CCDC141: variants seen among roughly 807,000 people sequenced by gnomAD.
CCDC141 encodes the protein coiled-coil domain-containing protein 141.
A neutral mutation model predicts 181.0 loss-of-function variants in CCDC141; 168 were observed. The observed-to-expected ratio is 0.93, with a 90% CI of 0.82 to 1.05. The LOEUF (loss-of-function observed/expected upper bound fraction) is 1.05. Ranked by LOEUF, CCDC141 falls within the 50% of genes least tolerant of loss-of-function variation. The pLI is 0.00. For missense variants in CCDC141, 1,902 were observed against 1,788.5 expected (o/e 1.06, Z -1.14); for synonymous variants, 666 against 642.3 (o/e 1.04, Z -0.56).
chr2:178,905,255 G>A (rs1168289211), intron 8 of CCDC141, 74 bp downstream of exon 8: 3 of 1,283,664 alleles, frequency 2.3e-6, no homozygotes, highest in Non-Finnish European at 3.2e-6. Flanking sequence ...AGACAATCAT[G>A]CATCTTATTT....
intron 2 of CCDC141, among the ~76,000 whole-genome samples, chr2:179,015,880 A>C (rs946814675): frequency 2.2e-5 from 3 of 134,608 alleles, no homozygotes; most frequent in African/African-American, 9.4e-5. Context: ...TCTCATATGT[A>C]TCATATATAT....
At chr2:178,935,337 A>T (rs914911161) in intron 6 of CCDC141, among the ~76,000 whole-genome samples, 2 of 152,136 alleles carry the variant, frequency 1.3e-5, no homozygotes, top group Non-Finnish European at 2.9e-5. Context: ...ATAAGTGCTC[A>T]TGATTTGACT....
At chr2:178,915,098 C>T (rs78936042) in intron 7 of CCDC141, among the ~76,000 whole-genome samples, 3 of 151,824 alleles carry the variant, frequency 2.0e-5, no homozygotes, top group Middle Eastern at 3.4e-3. Flanking sequence ...ACCTGAGCCC[C>T]GGAGGTCAGG....
chr2:179,002,282 G>A (rs2042006333), intron 2 of CCDC141: 1 of 262,460 alleles, frequency 3.8e-6, no homozygotes, highest in South Asian at 4.3e-5. Flanking sequence ...ACCTGCTACT[G>A]AGTACAGGGC....
rs56092711 is a variant in CCDC141 at position 178,962,651 on chromosome 2, C to CCTTCTTTT, written c.527-1169_527-1168insAAAAGAAG. The stretch of plus-strand genomic sequence containing the variant: ...CCTTCTTTCTTTCCTTTCCTTCTTT[C>CCTTCTTTT]TTTCTTTCCTCTGTCTCTCTCACAC... On this transcript the variant is annotated intron_variant, in intron 4 of 23. Coordinates refer to ENST00000443758, the MANE Select transcript of CCDC141 (RefSeq NM_173648.4). Among the ~76,000 whole-genome samples, 281 of 149,182 alleles carry CCTTCTTTT rather than the reference C, an allele frequency of 1.9e-3. 2 individuals are homozygous for CCTTCTTTT. Among genetic ancestry groups the CCTTCTTTT allele is most frequent in the African/African-American group, 6.7e-3 (272 of 40,526 alleles).
chr2:178,889,936 T>C (rs1048807421), intron 8 of CCDC141, among the ~76,000 whole-genome samples: 41 of 152,332 alleles, frequency 2.7e-4, no homozygotes, highest in African/African-American at 9.9e-4. Flanking sequence ...CTAAATTCCA[T>C]AATTCTACAA....
rs1687917789 is a variant in CCDC141 at position 178,905,404 on chromosome 2, T to A, written c.1190A>T (p.His397Leu). The A allele has an allele frequency of 6.4e-7, 1 of 1,550,906 alleles. No homozygotes were observed. Among genetic ancestry groups the A allele is most frequent in the Non-Finnish European group, 8.7e-7 (1 of 1,147,008 alleles). ...AVLAVRHEEL[H>L]RKIKDCTTDA... ...AGTTGTGCAGTCTTTAATTTTTCTG[T>A]GTAATTCCTCATGCCTCACTGCCAA... Residue 397 changes from histidine to leucine, a missense_variant, in exon 8 of 24, where the codon CAC (histidine) becomes CTC (leucine). By Grantham distance (99) the His-to-Leu change is moderately conservative. Coordinates refer to ENST00000443758, the MANE Select transcript of CCDC141 (RefSeq NM_173648.4).
At chr2:178,843,742 C>T (rs1313971752) in intron 22 of CCDC141, among the ~76,000 whole-genome samples, 1 of 152,188 alleles carries the variant, frequency 6.6e-6, no homozygotes, top group Non-Finnish European at 1.5e-5. Context: ...AAGCTTTTCA[C>T]TTGGTGCTTC....
chr2:178,987,989 A>G (rs1473694482), intron 2 of CCDC141, among the ~76,000 whole-genome samples: 1 of 151,648 alleles, frequency 6.6e-6, no homozygotes, highest in Non-Finnish European at 1.5e-5. Flanking sequence ...AAAGGACTAT[A>G]AATCATGCTG....
intron 9 of CCDC141, among the ~76,000 whole-genome samples, chr2:178,887,597 T>G (rs903138259): frequency 1.1e-4 from 16 of 152,152 alleles, no homozygotes; most frequent in Non-Finnish European, 1.3e-4. Context: ...GGTCTCAAGC[T>G]CCAGGCAATG....
At chr2:178,981,663 C>CATAT (rs1178860259) in intron 2 of CCDC141, among the ~76,000 whole-genome samples, 2 of 35,396 alleles carry the variant, frequency 5.7e-5, no homozygotes, top group African/African-American at 1.9e-4. Context: ...TATATACATA[C>CATAT]ATATATACAT....
chr2:178,841,053 T>TC (rs1181203003), intron 22 of CCDC141, among the ~76,000 whole-genome samples: 1 of 152,208 alleles, frequency 6.6e-6, no homozygotes, highest in Non-Finnish European at 1.5e-5. Context: ...TTGTATTAGT[T>TC]CATTTTTTAA....
chr2:178,828,729 A>G (rs1214025637), downstream of CCDC141, among the ~76,000 whole-genome samples: 2 of 152,192 alleles, frequency 1.3e-5, no homozygotes, highest in African/African-American at 4.8e-5. Context: ...GTGGGTGTGC[A>G]TAATACTTAT....
chr2:178,998,358 T>C lies in CCDC141; in HGVS notation c.226-19683A>G, dbSNP rs571294123. Among the ~76,000 whole-genome samples, 22 of 152,334 alleles carry C rather than the reference T, an allele frequency of 1.4e-4. 2 individuals carry two copies. In the East Asian group the frequency reaches 4.0e-3, roughly 28 times the overall value. On this transcript the variant is annotated intron_variant, in intron 2 of 23. Transcript: ENST00000443758. The stretch of plus-strand genomic sequence containing the variant: ...TTAATGAATGTATTCACTCAGTCAT[T>C]GTCTCAGTTATTCAGCAAGCATTTT...
intron 2 of CCDC141, among the ~76,000 whole-genome samples, chr2:178,980,184 T>C (rs111483588): frequency 3.3e-5 from 5 of 152,280 alleles, no homozygotes; most frequent in African/African-American, 1.2e-4. Context: ...GGACCATTCC[T>C]GTAGAGAAAC....
chr2:178,989,439 C>G (rs944820844), intron 2 of CCDC141, among the ~76,000 whole-genome samples: 8 of 151,188 alleles, frequency 5.3e-5, no homozygotes, highest in Non-Finnish European at 1.0e-4. Flanking sequence ...ACTAAAAATT[C>G]AAAAATTAGC....
At chr2:178,899,495 A>C (rs1248929061) in intron 8 of CCDC141, among the ~76,000 whole-genome samples, 1 of 152,148 alleles carries the variant, frequency 6.6e-6, no homozygotes, top group Non-Finnish European at 1.5e-5. Context: ...AACTCTATAA[A>C]ATGTATATCT....
intron 2 of CCDC141, among the ~76,000 whole-genome samples, chr2:179,001,292 G>A (rs1483455633): frequency 6.6e-6 from 1 of 152,176 alleles, no homozygotes; most frequent in African/African-American, 2.4e-5. Flanking sequence ...AGGGACATGA[G>A]AAGCACAATT....
intron 2 of CCDC141, among the ~76,000 whole-genome samples, chr2:179,006,053 C>G (rs566604573): frequency 6.6e-6 from 1 of 152,318 alleles, no homozygotes; most frequent in Non-Finnish European, 1.5e-5. Context: ...CAGCCTAGCT[C>G]TCAGTCCAGG....
Sources: gnomAD v4.1 joint callset for allele counts (sites outside exome capture counted in the v4.1 genomes callset) on GRCh38, gnomAD v4.1.1 for gene constraint, MANE v1.5 for transcripts, NCBI Gene and HGNC (gene_info 2026-07-23, HGNC 2026-07-21) for gene names.